Variants in CAMK1D observed in about 807,000 individuals in gnomAD.
CAMK1D encodes calcium/calmodulin-dependent protein kinase type 1D.
CAMK1D carries 9 observed loss-of-function variants against 47.7 expected under a neutral mutation model. The observed-to-expected ratio is 0.19, with a 90% CI of 0.11 to 0.33. The LOEUF (loss-of-function observed/expected upper bound fraction) is 0.33. Among genes scored for constraint, CAMK1D ranks in the 10% least tolerant of loss-of-function variants. The pLI is 1.00. For synonymous variants in CAMK1D, 184 were observed against 184.9 expected, an observed-to-expected ratio of 0.99 and a Z score of 0.04; for missense variants, 291 against 488.7, an observed-to-expected ratio of 0.60 and a Z score of 3.81.
intron 7 of CAMK1D, 103 bp from the exon 8 acceptor site, chr10:12,816,147 A>G (rs1832783232): frequency 4.7e-6 from 4 of 853,308 alleles, no homozygotes; most frequent in Non-Finnish European, 7.6e-6. Flanking sequence ...CTGGTCTCAT[A>G]TTTTTCATGC....
chr10:12,520,795 AGC>A (rs1171997635), intron 1 of CAMK1D, among the ~76,000 whole-genome samples: 2 of 45,658 alleles, frequency 4.4e-5, no homozygotes, highest in South Asian at 2.4e-3. Flanking sequence ...CAGGCGTGGC[AGC>A]GCGCGCCTGC....
intron 3 of CAMK1D, among the ~76,000 whole-genome samples, chr10:12,672,915 T>TTTTTTTTTTTTTTTTTG (rs1840674870): frequency 1.4e-5 from 2 of 147,080 alleles, no homozygotes; most frequent in African/African-American, 5.1e-5. Flanking sequence ...TTTTTTTTTT[T>TTTTTTTTTTTTTTTTTG]AGTCAGAGTT....
At chr10:12,392,441 A>C (rs1838770675) in intron 1 of CAMK1D, among the ~76,000 whole-genome samples, 1 of 152,104 alleles carries the variant, frequency 6.6e-6, no homozygotes. Flanking sequence ...GACTTCCCAT[A>C]AGTAGCATCA....
intron 1 of CAMK1D, among the ~76,000 whole-genome samples, chr10:12,404,445 T>G (rs1054812480): frequency 3.3e-5 from 5 of 152,254 alleles, no homozygotes; most frequent in Non-Finnish European, 7.3e-5. Flanking sequence ...CAGTTGTGTC[T>G]AATTCTTTTT....
chr10:12,720,532 A>G (rs1366871418), intron 3 of CAMK1D, among the ~76,000 whole-genome samples: 1 of 152,230 alleles, frequency 6.6e-6, no homozygotes, highest in Non-Finnish European at 1.5e-5. Context: ...CTTAAGGGTA[A>G]TAAGATCTAG....
intron 2 of CAMK1D, among the ~76,000 whole-genome samples, chr10:12,661,805 A>C (rs990336761): frequency 5.3e-5 from 8 of 152,260 alleles, no homozygotes; most frequent in African/African-American, 1.9e-4. Flanking sequence ...TGCACAGCAA[A>C]ATTCTGGAAC....
At chr10:12,411,693 G>A (rs72638760) in intron 1 of CAMK1D, among the ~76,000 whole-genome samples, 3 of 151,616 alleles carry the variant, frequency 2.0e-5, no homozygotes, top group African/African-American at 7.3e-5. Flanking sequence ...TCACCTTCTG[G>A]GTTCAAGCGA....
chr10:12,450,814 G>C (rs922388091), intron 1 of CAMK1D, among the ~76,000 whole-genome samples: 6 of 152,166 alleles, frequency 3.9e-5, no homozygotes, highest in African/African-American at 1.4e-4. Context: ...GGGTCTATTG[G>C]GTTACCTGTC....
At chr10:12,363,631 A>ATGTTC (rs1206374257) in intron 1 of CAMK1D, among the ~76,000 whole-genome samples, 1 of 141,322 alleles carries the variant, frequency 7.1e-6, no homozygotes, top group African/African-American at 2.6e-5. Context: ...AAGGCTATAT[A>ATGTTC]TGTTCAGTTC....
rs577823942 is a variant in CAMK1D, at chr10:12,668,858, C to T, written c.299+2048C>T. 3.9e-5 allele frequency among the ~76,000 whole-genome samples: 6 copies of T among 152,246 alleles called. No individual in the cohort carries two copies. The South Asian group carries it at 8.3e-4, about 21-fold the overall frequency. On this transcript the variant is annotated intron_variant, in intron 3 of 10. Transcript: ENST00000619168. ...GGAAGTCATATGAGGACACTGCTAT[C>T]CCTGCCCTTCCCTGAGCTTTTTCTG...
intron 1 of CAMK1D, among the ~76,000 whole-genome samples, chr10:12,433,046 C>T (rs538823231): frequency 3.9e-5 from 6 of 152,286 alleles, no homozygotes; most frequent in African/African-American, 7.2e-5. Flanking sequence ...AGATGTGTTC[C>T]GGGCATGGGA....
At position 12,477,369 on chromosome 10, in the gene CAMK1D, C is replaced by T. The variant is rs528372044; in HGVS notation, c.93-75856C>T. Among the ~76,000 whole-genome samples the T allele has an allele frequency of 5.3e-5, 8 of 152,280 alleles. 1 individual carries two copies. In the South Asian group the frequency reaches 1.7e-3, roughly 32 times the overall value. On this transcript the variant is annotated intron_variant, in intron 1 of 10. Coordinates refer to ENST00000619168, the MANE Select transcript of CAMK1D (RefSeq NM_153498.4). ...GGCGGAGGTTGGAGTGAGCCAAGAT[C>T]ATGCCATTGCACTCCAACCTGGGTG... is the stretch of plus-strand genomic sequence containing the variant.
chr10:12,378,803 C>A (rs1210985869), intron 1 of CAMK1D, among the ~76,000 whole-genome samples: 2 of 128,936 alleles, frequency 1.6e-5, no homozygotes, highest in African/African-American at 5.5e-5. Flanking sequence ...ATTTCTTTTT[C>A]TTTTTCTTTT....
chr10:12,414,643 A>C (rs957907928), intron 1 of CAMK1D, among the ~76,000 whole-genome samples: 4 of 152,202 alleles, frequency 2.6e-5, no homozygotes, highest in African/African-American at 9.7e-5. Context: ...TGTTCTGATG[A>C]GCTTTCATCA....
chr10:12,386,294 T>C (rs1052964926), intron 1 of CAMK1D, among the ~76,000 whole-genome samples: 14 of 152,144 alleles, frequency 9.2e-5, no homozygotes, highest in African/African-American at 2.9e-4. Context: ...CAAAAATTAG[T>C]TGGGTATGGT....
chr10:12,796,713 C>T lies in CAMK1D; in HGVS notation c.641+5480C>T, dbSNP rs368784049. 1.9e-3 allele frequency among the ~76,000 whole-genome samples: 288 copies of T among 152,216 alleles called. 1 individual carries two copies. The highest frequency in any genetic ancestry group is 6.6e-3 in the African/African-American group (273 of 41,548). On this transcript the variant is annotated intron_variant, in intron 6 of 10. Transcript: ENST00000619168. ...AGGGACTGTTCACTGATGTGGCCAG[C>T]GGGCAACAGTCGCCTGCTTATATTC...
chr10:12,579,507 G>A (rs1837597983), intron 2 of CAMK1D, among the ~76,000 whole-genome samples: 1 of 152,156 alleles, frequency 6.6e-6, no homozygotes, highest in Non-Finnish European at 1.5e-5. Context: ...TGAGTCTGGT[G>A]CTCCAGGCCT....
chr10:12,540,101 T>C lies in CAMK1D; in HGVS notation c.93-13124T>C, dbSNP rs201226766. On this transcript the variant is annotated intron_variant, in intron 1 of 10. Coordinates refer to ENST00000619168, the MANE Select transcript of CAMK1D (RefSeq NM_153498.4). ...GCTAATTTTTTCTTTTTTCTTTTCT[T>C]TTTTTTTTGGAGAGTTGGGGGTCTT... 7.4e-3 allele frequency among the ~76,000 whole-genome samples: 1,119 copies of C among 150,208 alleles called. 31 individuals are homozygous for C. Among genetic ancestry groups the C allele is most frequent in the East Asian group, 0.045 (233 of 5,170 alleles).
chr10:12,438,745 G>A (rs1832701897), intron 1 of CAMK1D, among the ~76,000 whole-genome samples: 1 of 152,212 alleles, frequency 6.6e-6, no homozygotes. Flanking sequence ...AGGCATTGCA[G>A]TAGAGATGCA....
Sources: allele counts gnomAD v4.1 joint callset (sites outside exome capture counted in the v4.1 genomes callset), GRCh38; gene constraint gnomAD v4.1.1; transcripts MANE v1.5; gene names NCBI Gene and HGNC (gene_info 2026-07-23, HGNC 2026-07-21).